MACROD2: variants seen among roughly 807,000 people sequenced by gnomAD.
MACROD2 encodes ADP-ribose glycohydrolase MACROD2.
A neutral mutation model predicts 70.4 loss-of-function variants in MACROD2; 36 were observed. That is an observed-to-expected ratio of 0.51 (90% CI 0.39 to 0.68). The LOEUF (loss-of-function observed/expected upper bound fraction) is 0.68, where lower values mean the gene tolerates loss of function less well. Among genes scored for constraint, MACROD2 ranks in the 30% least tolerant of loss-of-function variants. MACROD2 has a pLI of 0.00. For synonymous variants in MACROD2, 172 were observed against 178.8 expected (o/e 0.96, Z 0.30); for missense variants, 496 against 538.4 (o/e 0.92, Z 0.78).
At chr20:15,997,868 A>T (rs939252550) in intron 15 of MACROD2, among the ~76,000 whole-genome samples, 1 of 152,076 alleles carries the variant, frequency 6.6e-6, no homozygotes, top group Non-Finnish European at 1.5e-5. Flanking sequence ...CATTCCTCTT[A>T]CACTCAAATT....
At chr20:15,314,558 A>G (rs914317151) in intron 6 of MACROD2, among the ~76,000 whole-genome samples, 1 of 152,178 alleles carries the variant, frequency 6.6e-6, no homozygotes, top group Non-Finnish European at 1.5e-5. Flanking sequence ...CGTGTCCCTG[A>G]TTTTGTAGGG....
chr20:14,947,495 GA>G (rs1279861871), intron 5 of MACROD2, among the ~76,000 whole-genome samples: 47 of 152,284 alleles, frequency 3.1e-4, no homozygotes, highest in African/African-American at 1.1e-3. Context: ...TTAGCAAGAT[GA>G]TTGGTTCATA....
intron 8 of MACROD2, among the ~76,000 whole-genome samples, chr20:15,784,958 C>T (rs1202157626): frequency 6.6e-6 from 1 of 151,396 alleles, no homozygotes; most frequent in East Asian, 2.0e-4. Context: ...ACCATCCTGG[C>T]TAACACAGTG....
chr20:15,177,051 A>C (rs2076467603), intron 5 of MACROD2, among the ~76,000 whole-genome samples: 7 of 152,146 alleles, frequency 4.6e-5, no homozygotes, highest in Admixed American at 4.6e-4. Flanking sequence ...CACAGCCTGC[A>C]TGCCTGGCTG....
chr20:14,255,030 G>A (rs62209007), intron 3 of MACROD2, among the ~76,000 whole-genome samples: 52,575 of 151,820 alleles, frequency 0.35, 10,454 homozygotes, highest in East Asian at 0.52. Flanking sequence ...ATGAAATTCT[G>A]AGTTGAAAAT....
intron 8 of MACROD2, among the ~76,000 whole-genome samples, chr20:15,682,234 G>A (rs1321519250): frequency 6.6e-6 from 1 of 152,154 alleles, no homozygotes; most frequent in Non-Finnish European, 1.5e-5. Flanking sequence ...CGTAAAAGTA[G>A]GAACCCACAT....
intron 8 of MACROD2, among the ~76,000 whole-genome samples, chr20:15,808,188 G>A (rs2063786605): frequency 6.6e-6 from 1 of 152,280 alleles, no homozygotes; most frequent in Admixed American, 6.5e-5. Flanking sequence ...GATGCTCCCG[G>A]CCGAATAAAC....
intron 15 of MACROD2, among the ~76,000 whole-genome samples, chr20:15,993,827 A>G (rs531555693): frequency 2.6e-5 from 4 of 152,220 alleles, no homozygotes; most frequent in Admixed American, 2.0e-4. Flanking sequence ...AACAAATCTC[A>G]TTTTCATTAC....
chr20:15,716,440 A>G (rs1434419621), intron 8 of MACROD2, among the ~76,000 whole-genome samples: 1 of 152,206 alleles, frequency 6.6e-6, no homozygotes, highest in Non-Finnish European at 1.5e-5. Flanking sequence ...TCTCGGACTT[A>G]CTTGGAAAGG....
At chr20:15,419,932 G>A (rs535688914) in intron 6 of MACROD2, among the ~76,000 whole-genome samples, 18 of 152,326 alleles carry the variant, frequency 1.2e-4, no homozygotes, top group Non-Finnish European at 2.2e-4. Flanking sequence ...GTTAATATGA[G>A]CAGGGATTTT....
intron 3 of MACROD2, among the ~76,000 whole-genome samples, chr20:14,230,271 T>A (rs2081789621): frequency 6.6e-6 from 1 of 152,166 alleles, no homozygotes; most frequent in Non-Finnish European, 1.5e-5. Context: ...GTACACACAG[T>A]AGAATTTCTT....
chr20:14,890,094 A>G (rs2073734086), intron 5 of MACROD2, among the ~76,000 whole-genome samples: 1 of 152,132 alleles, frequency 6.6e-6, no homozygotes, highest in Non-Finnish European at 1.5e-5. Context: ...GGAAGGATGT[A>G]ATCGCTTCCA....
At chr20:14,827,804 T>C (rs1462450627) in intron 5 of MACROD2, among the ~76,000 whole-genome samples, 2 of 152,080 alleles carry the variant, frequency 1.3e-5, no homozygotes, top group African/African-American at 2.4e-5. Context: ...ACAAGCCTAA[T>C]TATTGACTAA....
At chr20:14,021,623 T>A (rs1438939130) in intron 2 of MACROD2, among the ~76,000 whole-genome samples, 1 of 152,210 alleles carries the variant, frequency 6.6e-6, no homozygotes, top group Non-Finnish European at 1.5e-5. Context: ...CCTCAGAGCT[T>A]CCTATTTCAC....
chr20:14,503,925 T>C (rs1372721562), intron 4 of MACROD2, among the ~76,000 whole-genome samples: 1 of 152,220 alleles, frequency 6.6e-6, no homozygotes, highest in Non-Finnish European at 1.5e-5. Context: ...TAATTCTACA[T>C]CTCCATTAGT....
chr20:14,197,584 A>G (rs888342092), intron 3 of MACROD2, among the ~76,000 whole-genome samples: 1 of 152,146 alleles, frequency 6.6e-6, no homozygotes, highest in Non-Finnish European at 1.5e-5. Flanking sequence ...CCTGGCCAAC[A>G]TGGTGAAACC....
intron 4 of MACROD2, among the ~76,000 whole-genome samples, chr20:14,525,332 C>T (rs1005141320): frequency 1.3e-5 from 2 of 152,118 alleles, no homozygotes; most frequent in African/African-American, 4.8e-5. Flanking sequence ...CATTCAATTC[C>T]AAGCTGTTAA....
chr20:14,190,733 A>G (rs2081380789), intron 3 of MACROD2, among the ~76,000 whole-genome samples: 1 of 49,260 alleles, frequency 2.0e-5, no homozygotes, highest in Non-Finnish European at 3.6e-5. Flanking sequence ...TTTTTTCCAG[A>G]GTCTTGTTCT....
chr20:15,534,997 A>G (rs977552751), intron 8 of MACROD2, among the ~76,000 whole-genome samples: 1 of 152,062 alleles, frequency 6.6e-6, no homozygotes, highest in African/African-American at 2.4e-5. Context: ...TTTTTTTGAG[A>G]CGGGCTCTCA....
Sources: gnomAD v4.1 joint callset for allele counts (sites outside exome capture counted in the v4.1 genomes callset) on GRCh38, gnomAD v4.1.1 for gene constraint, MANE v1.5 for transcripts, NCBI Gene and HGNC (gene_info 2026-07-23, HGNC 2026-07-21) for gene names.